SLC12A8: variants seen among roughly 807,000 people sequenced by gnomAD.
The protein encoded by SLC12A8 is solute carrier family 12 member 8.
Under a neutral mutation model 75.6 loss-of-function variants are expected in SLC12A8, and 69 were observed. That is an observed-to-expected ratio of 0.91 (90% CI 0.75 to 1.11). The LOEUF (loss-of-function observed/expected upper bound fraction) is 1.11. Among genes scored for constraint, SLC12A8 ranks in the 50% most tolerant of loss-of-function variants. The pLI is 0.00. For synonymous variants in SLC12A8, 365 were observed against 372.8 expected, an observed-to-expected ratio of 0.98 and a Z score of 0.24; for missense variants, 877 against 896.7, an observed-to-expected ratio of 0.98 and a Z score of 0.28.
intron 2 of SLC12A8, among the ~76,000 whole-genome samples, chr3:125,191,621 A>G (rs1480597406): frequency 1.3e-5 from 2 of 152,230 alleles, no homozygotes; most frequent in Non-Finnish European, 2.9e-5. Flanking sequence ...AAAATCCAAG[A>G]TCCAGAGTCC....
chr3:125,195,832 C>T (rs1935000292), intron 2 of SLC12A8, among the ~76,000 whole-genome samples: 1 of 152,198 alleles, frequency 6.6e-6, no homozygotes, highest in Non-Finnish European at 1.5e-5. Flanking sequence ...AACCCCACAG[C>T]AGCCATGTCA....
intron 12 of SLC12A8, among the ~76,000 whole-genome samples, chr3:125,091,068 T>TTATC (rs1482746788): frequency 6.6e-6 from 1 of 152,224 alleles, no homozygotes; most frequent in Admixed American, 6.5e-5. Flanking sequence ...AACTGTTGTG[T>TTATC]TATCTTAGGT....
At chr3:125,167,620 T>A (rs546441040) in intron 5 of SLC12A8, among the ~76,000 whole-genome samples, 1 of 152,314 alleles carries the variant, frequency 6.6e-6, no homozygotes, top group Admixed American at 6.5e-5. Flanking sequence ...TTCATCCTTG[T>A]TTTTAACCAA....
At chr3:125,154,186 C>G (rs181774808) in intron 5 of SLC12A8, among the ~76,000 whole-genome samples, 1 of 152,348 alleles carries the variant, frequency 6.6e-6, no homozygotes, top group East Asian at 1.9e-4. Flanking sequence ...ACTTTAACTA[C>G]CGTCCCCTTT....
rs183165261 is a variant in SLC12A8 at position 125,102,705 on chromosome 3, C to G, written c.1705+4776G>C. On this transcript the variant is annotated intron_variant, in intron 10 of 13. Coordinates refer to ENST00000469902, the MANE Select transcript of SLC12A8 (RefSeq NM_024628.6). Reference sequence around the variant, plus strand: ...CGACCACTTCCTTGATTAAACATTGCAGACTGTCCACGTCTCTCCTGAAAA... The same window carrying G: ...CGACCACTTCCTTGATTAAACATTGGAGACTGTCCACGTCTCTCCTGAAAA... Among the ~76,000 whole-genome samples the G allele has an allele frequency of 1.7e-3, 259 of 152,236 alleles. 1 individual carries two copies. Among genetic ancestry groups the G allele is most frequent in the Middle Eastern group, 0.017 (5 of 294 alleles).
rs148401654 is a variant in SLC12A8, at chr3:125,142,820, C to A, written c.623-7038G>T. On this transcript the variant is annotated intron_variant, in intron 5 of 13. Transcript: ENST00000469902. ...TGAAGTCTTCCCAGCCAGAAGCCCA[C>A]TCTCAGGCCTCTCAGGACACACTGT... Among the ~76,000 whole-genome samples, 4 of 152,324 alleles carry A rather than the reference C, an allele frequency of 2.6e-5. No homozygotes were observed. The East Asian group carries it at 7.7e-4, about 29-fold the overall frequency.
intron 5 of SLC12A8, among the ~76,000 whole-genome samples, chr3:125,165,770 G>A (rs1215277096): frequency 6.6e-6 from 1 of 152,152 alleles, no homozygotes; most frequent in Admixed American, 6.5e-5. Context: ...GGCCAGCACC[G>A]TGCATCCTAG....
intron 13 of SLC12A8, among the ~76,000 whole-genome samples, chr3:125,086,519 T>C (rs1938464399): frequency 6.6e-6 from 1 of 152,202 alleles, no homozygotes; most frequent in Non-Finnish European, 1.5e-5. Flanking sequence ...CTAAAAATAT[T>C]CCTGTAAATC....
intron 5 of SLC12A8, among the ~76,000 whole-genome samples, chr3:125,139,869 C>T (rs1223597402): frequency 1.3e-5 from 2 of 152,220 alleles, no homozygotes; most frequent in Non-Finnish European, 2.9e-5. Context: ...TGATGAATAC[C>T]ATGGTCCCTG....
chr3:125,181,621 A>AAAAAAAG (rs1560078318), intron 4 of SLC12A8, among the ~76,000 whole-genome samples: 26 of 147,472 alleles, frequency 1.8e-4, no homozygotes, highest in East Asian at 8.1e-4. Context: ...AAAAAAAAAA[A>AAAAAAAG]AAAAAAGAAA....
intron 5 of SLC12A8, among the ~76,000 whole-genome samples, chr3:125,141,673 A>AGGCTGCGGGCTGCAGGCTGCG: frequency 6.6e-6 from 1 of 151,932 alleles, no homozygotes; most frequent in South Asian, 2.1e-4. Flanking sequence ...CTGGGGCTGC[A>AGGCTGCGGGCTGCAGGCTGCG]GGCTGCGGGC....
At chr3:125,184,497 C>T (rs1288603528) in intron 4 of SLC12A8, among the ~76,000 whole-genome samples, 4 of 152,002 alleles carry the variant, frequency 2.6e-5, no homozygotes, top group African/African-American at 9.7e-5. Context: ...GCCATATGAC[C>T]CTCAAAACCC....
rs556005595 is a variant in SLC12A8 at position 125,134,973 on chromosome 3, G to T, written c.736+696C>A. Among the ~76,000 whole-genome samples the T allele has an allele frequency of 6.3e-4, 96 of 152,316 alleles. 1 individual carries two copies. The highest frequency in any genetic ancestry group is 2.2e-3 in the African/African-American group (91 of 41,586). ...GGGACAAGCCCAGTCACTAGCAAAT[G>T]TTATTTTTTATGGAGCATCTGGTCA... On this transcript the variant is annotated intron_variant, in intron 6 of 13. Coordinates refer to ENST00000469902, the MANE Select transcript of SLC12A8 (RefSeq NM_024628.6).
chr3:125,126,890 C>CA (rs1933223211), intron 6 of SLC12A8, among the ~76,000 whole-genome samples: 2 of 148,068 alleles, frequency 1.4e-5, no homozygotes, highest in African/African-American at 5.0e-5. Context: ...CATCTGCTGC[C>CA]TTTTTTTTTT....
At chr3:125,120,802 C>G (rs1344387080) in intron 6 of SLC12A8, 116 bp from the exon 7 acceptor site, 1 of 772,724 alleles carries the variant, frequency 1.3e-6, no homozygotes, top group Admixed American at 2.0e-5. Context: ...CCACCGCAAG[C>G]CCTCCAGCTG....
At chr3:125,183,378 T>C (rs886601186) in intron 4 of SLC12A8, among the ~76,000 whole-genome samples, 4 of 152,128 alleles carry the variant, frequency 2.6e-5, no homozygotes, top group Admixed American at 2.0e-4. Flanking sequence ...CAGTGGGTGT[T>C]GCTCACCATT....
intron 5 of SLC12A8, among the ~76,000 whole-genome samples, chr3:125,146,604 A>T (rs1409163652): frequency 6.6e-6 from 1 of 152,168 alleles, no homozygotes; most frequent in Non-Finnish European, 1.5e-5. Context: ...GTGGGAATAG[A>T]GGACAAAGGG....
At position 125,084,049 on chromosome 3, in the gene SLC12A8, G is replaced by A; in HGVS notation, c.1986C>T (p.Ser662=). ...MRSLLLPSCR[S]LRSPQEQIIL... is the part of the protein sequence containing the mutation. ...TGATCTGCTCCTGAGGGGACCGCAA[G>A]CTCCTGCAGTGAGAGAGACACAGAG... The change falls in exon 14 of 14, where the codon AGC becomes AGT. Residue 662 remains serine, a synonymous_variant. Transcript: ENST00000469902. 6.2e-7 allele frequency: 1 copy of A among 1,610,206 alleles called. No homozygotes were observed. Among genetic ancestry groups the A allele is most frequent in the Admixed American group, 1.7e-5 (1 of 59,400 alleles).
At position 125,138,402 on chromosome 3, in the gene SLC12A8, A is replaced by G. The variant is rs145034820; in HGVS notation, c.623-2620T>C. Among the ~76,000 whole-genome samples, 570 of 152,276 alleles carry G rather than the reference A, an allele frequency of 3.7e-3. 7 individuals carry two copies. Among genetic ancestry groups the G allele is most frequent in the African/African-American group, 0.013 (541 of 41,540 alleles). On this transcript the variant is annotated intron_variant, in intron 5 of 13. Transcript: ENST00000469902. ...GGCAACAGAGCAAGACTCCATCTCA[A>G]TTTTTTAAAATTTAAAAATAAATAA...
Sources: allele counts gnomAD v4.1 joint callset (sites outside exome capture counted in the v4.1 genomes callset), GRCh38; gene constraint gnomAD v4.1.1; transcripts MANE v1.5; gene names NCBI Gene and HGNC (gene_info 2026-07-23, HGNC 2026-07-21).